The following CADM2 variants were observed in gnomAD, a reference collection of about 807,000 sequenced individuals.
CADM2 encodes cell adhesion molecule 2, also known as immunoglobulin superfamily member 4D.
Under a neutral mutation model 49.8 loss-of-function variants are expected in CADM2, and 12 were observed. The observed-to-expected ratio is 0.24, with a 90% CI of 0.15 to 0.39. The LOEUF (loss-of-function observed/expected upper bound fraction) is 0.39, where lower values mean the gene tolerates loss of function less well. CADM2 is among the 10% of genes least tolerant of loss of function. CADM2 has a pLI of 1.00. For synonymous variants in CADM2, 214 were observed against 175.4 expected, an observed-to-expected ratio of 1.22 and a Z score of -1.74; for missense variants, 378 against 492.3, an observed-to-expected ratio of 0.77 and a Z score of 2.20.
chr3:85,606,247 C>G (rs2063534617), intron 1 of CADM2, among the ~76,000 whole-genome samples: 2 of 151,946 alleles, frequency 1.3e-5, no homozygotes, highest in South Asian at 4.1e-4. Context: ...AGAATTTGAA[C>G]TCTCATTTTT....
chr3:85,651,203 T>A (rs191932059), intron 1 of CADM2, among the ~76,000 whole-genome samples: 219 of 152,270 alleles, frequency 1.4e-3, no homozygotes, highest in Non-Finnish European at 2.3e-3. Flanking sequence ...ATGTAATACA[T>A]TCTGAAAAAT....
At chr3:85,038,363 C>A (rs574579865) in intron 1 of CADM2, among the ~76,000 whole-genome samples, 9 of 152,234 alleles carry the variant, frequency 5.9e-5, no homozygotes, top group South Asian at 4.2e-4. Flanking sequence ...GTTCACATCC[C>A]AGAATATAAC....
rs115764990 is a variant in CADM2 at position 85,471,918 on chromosome 3, T to C, written c.62-254604T>C. 4.4e-3 allele frequency among the ~76,000 whole-genome samples: 675 copies of C among 151,934 alleles called. 5 individuals carry two copies. The highest frequency in any genetic ancestry group is 0.015 in the African/African-American group (610 of 41,536). On this transcript the variant is annotated intron_variant, in intron 1 of 9. Transcript: ENST00000383699. ...TAAAACCAGGCCATTCTATTCTTTA[T>C]ACATTATCTCTAGTTTAGGGATCTA...
intron 3 of CADM2, among the ~76,000 whole-genome samples, chr3:85,880,690 G>A (rs1216353332): frequency 1.3e-5 from 2 of 152,160 alleles, no homozygotes; most frequent in South Asian, 2.1e-4. Flanking sequence ...CAGGTAATAA[G>A]CTATTCTCTT....
chr3:85,010,880 T>C (rs1399715626), intron 1 of CADM2, among the ~76,000 whole-genome samples: 20 of 141,058 alleles, frequency 1.4e-4, no homozygotes, highest in Middle Eastern at 7.5e-3. Context: ...TTTTTTTTTT[T>C]TGAGATGGAG....
intron 1 of CADM2, among the ~76,000 whole-genome samples, chr3:85,376,915 G>A (rs2033624735): frequency 6.6e-6 from 1 of 151,960 alleles, no homozygotes; most frequent in Non-Finnish European, 1.5e-5. Flanking sequence ...AAATATCATG[G>A]ATCAAAATAT....
intron 1 of CADM2, among the ~76,000 whole-genome samples, chr3:85,284,813 G>C (rs2106905247): frequency 6.6e-6 from 1 of 152,104 alleles, no homozygotes; most frequent in Non-Finnish European, 1.5e-5. Context: ...TACACTTAAT[G>C]AGGTGGGTAG....
intron 1 of CADM2, among the ~76,000 whole-genome samples, chr3:84,981,294 GA>G (rs2032166469): frequency 6.6e-6 from 1 of 151,928 alleles, no homozygotes. Flanking sequence ...TAATGAGAAA[GA>G]ATAGAAAATC....
chr3:85,503,510 G>C (rs1284358479), intron 1 of CADM2, among the ~76,000 whole-genome samples: 1 of 152,176 alleles, frequency 6.6e-6, no homozygotes, highest in Non-Finnish European at 1.5e-5. Context: ...ACACAATCTA[G>C]ATCATGCTGG....
At chr3:85,730,440 T>TAAATAAAATAAAATA (rs57097045) in intron 2 of CADM2, among the ~76,000 whole-genome samples, 4,514 of 146,042 alleles carry the variant, frequency 0.031, 139 homozygotes, top group African/African-American at 0.084. Context: ...AGACTCTGTC[T>TAAATAAAATAAAATA]AAATAAAATA....
chr3:85,214,132 C>T (rs2041868677), intron 1 of CADM2, among the ~76,000 whole-genome samples: 2 of 151,812 alleles, frequency 1.3e-5, no homozygotes. Context: ...GTCACAGTAG[C>T]CATACCCACA....
intron 1 of CADM2, among the ~76,000 whole-genome samples, chr3:85,013,142 TA>T (rs56736286): frequency 0.18 from 26,496 of 143,882 alleles, 3,602 homozygotes; most frequent in African/African-American, 0.39. Context: ...CACTGGAAAT[TA>T]AAAAAAAAAA....
intron 1 of CADM2, 93 bp downstream of exon 1, chr3:84,959,761 T>A (rs2030269828): frequency 8.2e-7 from 1 of 1,222,410 alleles, no homozygotes; most frequent in Admixed American, 2.0e-5. Context: ...CCTCCCAGTC[T>A]CCCTGTCCCC....
intron 1 of CADM2, among the ~76,000 whole-genome samples, chr3:85,449,243 C>T (rs2037636568): frequency 2.0e-5 from 3 of 151,418 alleles, no homozygotes; most frequent in South Asian, 4.1e-4. Flanking sequence ...TTATTTAAAG[C>T]ATTATAGAAT....
rs533044456 is a variant in CADM2 at position 85,986,601 on chromosome 3, C to A, written c.970+24954C>A. Reference sequence around the variant, plus strand: ...TATCCAGATGGTCCATATAGAGAAACCTGCTTATCTACAAAAAGACTGATT... The same window carrying A: ...TATCCAGATGGTCCATATAGAGAAAACTGCTTATCTACAAAAAGACTGATT... On this transcript the variant is annotated intron_variant, in intron 8 of 9. Transcript: ENST00000383699. 6.6e-5 allele frequency among the ~76,000 whole-genome samples: 10 copies of A among 151,996 alleles called. No homozygotes were observed. In the East Asian group the frequency reaches 1.9e-3, roughly 29 times the overall value.
intron 1 of CADM2, among the ~76,000 whole-genome samples, chr3:85,107,631 T>TTCTTTTTCTTTCTTTCTTTCTTTC (rs58177574): frequency 1.5e-5 from 2 of 137,842 alleles, no homozygotes; most frequent in African/African-American, 5.2e-5. Flanking sequence ...CTTTCTTTCT[T>TTCTTTTTCTTTCTTTCTTTCTTTC]TTTCTTTCTT....
intron 3 of CADM2, among the ~76,000 whole-genome samples, chr3:85,806,634 C>T (rs2108099279): frequency 1.3e-5 from 2 of 152,266 alleles, no homozygotes; most frequent in Middle Eastern, 6.8e-3. Flanking sequence ...ACTTGGGAGG[C>T]TGAGGCATGA....
chr3:85,721,729 G>A (rs909837317), intron 1 of CADM2, among the ~76,000 whole-genome samples: 2 of 152,206 alleles, frequency 1.3e-5, no homozygotes, highest in Non-Finnish European at 2.9e-5. Flanking sequence ...CAAAGTGGGA[G>A]CCACAGCCCT....
Position 86,071,280 on chromosome 3 carries a change from A to G in CADM2, c.*4497A>G, listed in dbSNP as rs73845726. 1.3e-5 allele frequency: 2 copies of G among 151,924 alleles called. No homozygotes were observed. Among genetic ancestry groups the G allele is most frequent in the Admixed American group, 6.6e-5 (1 of 15,234 alleles). 9.4% of individuals were successfully genotyped at this position (151,924 alleles called of 1,614,324 possible). On this transcript the variant is annotated 3_prime_UTR_variant, in exon 10 of 10. Coordinates refer to ENST00000383699, the MANE Select transcript of CADM2 (RefSeq NM_001167675.2). Reference sequence around the variant, plus strand: ...GGTAGTTTTAATAGTTAAAGTCACTATATCTTAATGGGAATTTTAAAATAT... The same window carrying G: ...GGTAGTTTTAATAGTTAAAGTCACTGTATCTTAATGGGAATTTTAAAATAT...
Sources: allele counts gnomAD v4.1 joint callset (sites outside exome capture counted in the v4.1 genomes callset), GRCh38; gene constraint gnomAD v4.1.1; transcripts MANE v1.5; gene names NCBI Gene and HGNC (gene_info 2026-07-23, HGNC 2026-07-21).